PAN3: variants seen among roughly 807,000 people sequenced by gnomAD.
PAN3 encodes PAN2-PAN3 deadenylation complex subunit PAN3.
Under a neutral mutation model 96.2 loss-of-function variants are expected in PAN3, and 19 were observed. The observed-to-expected ratio is 0.20, with a 90% CI of 0.14 to 0.29. The LOEUF (loss-of-function observed/expected upper bound fraction) is 0.29. PAN3 is among the 10% of genes least tolerant of loss of function. PAN3 has a pLI of 1.00. For synonymous variants in PAN3, 433 were observed against 406.6 expected (o/e 1.06, Z -0.78); for missense variants, 882 against 1,108.1 (o/e 0.80, Z 2.90).
At chr13:28,288,403 G>A (rs1032127443) in intron 18 of PAN3, among the ~76,000 whole-genome samples, 11 of 151,920 alleles carry the variant, frequency 7.2e-5, no homozygotes, top group African/African-American at 2.7e-4. Context: ...GGGTTCAAGT[G>A]ATTCTCCTGC....
At chr13:28,287,541 T>C (rs1191240038) in intron 17 of PAN3, among the ~76,000 whole-genome samples, 1 of 152,220 alleles carries the variant, frequency 6.6e-6, no homozygotes. Context: ...TCACAGCTTG[T>C]TTTCACATGG....
chr13:28,263,410 G>T (rs1157299344), intron 9 of PAN3, among the ~76,000 whole-genome samples: 1 of 152,234 alleles, frequency 6.6e-6, no homozygotes, highest in Non-Finnish European at 1.5e-5. Context: ...GCAGCTCACT[G>T]CAACCTCCGC....
intron 1 of PAN3, among the ~76,000 whole-genome samples, chr13:28,161,924 A>G (rs188876450): frequency 8.0e-4 from 122 of 152,332 alleles, no homozygotes; most frequent in African/African-American, 2.5e-3. Context: ...CAGATGTGTA[A>G]AATATTCCAG....
At chr13:28,205,109 G>A (rs1041240132) in intron 5 of PAN3, among the ~76,000 whole-genome samples, 8 of 151,438 alleles carry the variant, frequency 5.3e-5, no homozygotes, top group East Asian at 1.9e-4. Context: ...TCTCGGGGGC[G>A]GTGGGTGGTT....
chr13:28,288,427 G>A (rs1395153448), intron 18 of PAN3, among the ~76,000 whole-genome samples: 1 of 152,082 alleles, frequency 6.6e-6, no homozygotes, highest in Non-Finnish European at 1.5e-5. Context: ...AGCCTCCCGA[G>A]TAGCTAGGAT....
rs1874688079 is a variant in PAN3 at position 28,174,382 on chromosome 13, C to T, written c.541C>T (p.Pro181Ser). ...GFGSPVETKYPLMQRMTNSSS... is the reference protein window; with the variant it reads ...GFGSPVETKYSLMQRMTNSSS... The stretch of plus-strand genomic sequence containing the variant: ...TGGAAGCCCTGTAGAAACAAAATAT[C>T]CCCTGATGCAGGTATCCTTAGTATA... The change falls in exon 2 of 19, where the codon CCC becomes TCC. Residue 181 changes from proline to serine, a missense_variant. By Grantham distance (74) the Pro-to-Ser change is moderately conservative (BLOSUM62 -1). Transcript: ENST00000380958. 6.2e-7 allele frequency: 1 copy of T among 1,612,880 alleles called. No individual in the cohort carries two copies. Among genetic ancestry groups the T allele is most frequent in the African/African-American group, 1.3e-5 (1 of 74,866 alleles).
At chr13:28,162,293 G>A (rs996234377) in intron 1 of PAN3, among the ~76,000 whole-genome samples, 3 of 152,204 alleles carry the variant, frequency 2.0e-5, no homozygotes, top group Admixed American at 1.3e-4. Context: ...GATGGTGTGA[G>A]TATCTGCTGA....
chr13:28,234,129 A>G (rs910443712), intron 6 of PAN3, among the ~76,000 whole-genome samples: 1 of 152,220 alleles, frequency 6.6e-6, no homozygotes, highest in Non-Finnish European at 1.5e-5. Context: ...AAGAAGCACT[A>G]GTGTGGTCTG....
chr13:28,292,045 A>G (rs937661778), intron 18 of PAN3, among the ~76,000 whole-genome samples: 4 of 152,178 alleles, frequency 2.6e-5, no homozygotes, highest in Non-Finnish European at 5.9e-5. Flanking sequence ...TTCCCACAGA[A>G]GAAAAAAATT....
intron 15 of PAN3, among the ~76,000 whole-genome samples, chr13:28,278,063 C>T (rs1887202301): frequency 6.6e-6 from 1 of 152,234 alleles, no homozygotes; most frequent in South Asian, 2.1e-4. Flanking sequence ...GCAACCACGA[C>T]CTTTATTACA....
chr13:28,243,811 C>T (rs983012895), intron 6 of PAN3, among the ~76,000 whole-genome samples: 4 of 152,150 alleles, frequency 2.6e-5, no homozygotes, highest in Admixed American at 6.5e-5. Context: ...GCCTCAGCCT[C>T]CTGAGTAGCT....
intron 6 of PAN3, among the ~76,000 whole-genome samples, chr13:28,237,451 A>G (rs1190617365): frequency 1.3e-5 from 2 of 152,226 alleles, no homozygotes; most frequent in African/African-American, 4.8e-5. Flanking sequence ...CCTGTGAACC[A>G]GAAGCACCAA....
At chr13:28,172,218 G>A (rs1279761796) in intron 1 of PAN3, among the ~76,000 whole-genome samples, 6 of 152,192 alleles carry the variant, frequency 3.9e-5, no homozygotes, top group Non-Finnish European at 2.9e-5. Flanking sequence ...CACTTTGGGA[G>A]GCCGAGGCGG....
At chr13:28,221,176 C>A (rs1881365428) in intron 6 of PAN3, among the ~76,000 whole-genome samples, 1 of 151,968 alleles carries the variant, frequency 6.6e-6, no homozygotes, top group Non-Finnish European at 1.5e-5. Context: ...CATCACTTAT[C>A]CCCACTGCTG....
chr13:28,245,775 A>G (rs1018549393), intron 6 of PAN3, among the ~76,000 whole-genome samples: 8 of 152,316 alleles, frequency 5.3e-5, no homozygotes, highest in South Asian at 2.1e-4. Context: ...ATCATATAAT[A>G]TGTGGCTTTT....
intron 4 of PAN3, among the ~76,000 whole-genome samples, chr13:28,194,965 T>C (rs1367483354): frequency 1.3e-5 from 2 of 151,390 alleles, no homozygotes; most frequent in African/African-American, 4.8e-5. Flanking sequence ...TCACTAAGGG[T>C]ACATACTTAT....
At chr13:28,266,926 ATTATTC>A (rs1371906991) in intron 10 of PAN3, 50 bp downstream of exon 10, 19 of 1,439,428 alleles carry the variant, frequency 1.3e-5, no homozygotes, top group Non-Finnish European at 1.7e-5. Flanking sequence ...TGAGGCTAAG[ATTATTC>A]AAACCTTCTT....
chr13:28,250,376 T>A (rs1238972163), intron 6 of PAN3, among the ~76,000 whole-genome samples: 2 of 151,502 alleles, frequency 1.3e-5, no homozygotes, highest in Non-Finnish European at 2.9e-5. Flanking sequence ...TTTAATTTAA[T>A]TTTTTTTTGA....
rs183418043 is a variant in PAN3 at position 28,162,152 on chromosome 13, A to G, written c.431-12120A>G. 3.1e-3 allele frequency among the ~76,000 whole-genome samples: 473 copies of G among 152,326 alleles called. 13 individuals are homozygous for G. The highest frequency in any genetic ancestry group is 5.4e-4 in the Non-Finnish European group (37 of 68,036). ...CTTGGAAAGTAGATGCTACTGTTTT[A>G]GTGTTACAGAGGAAGAAACTGAGAC... On this transcript the variant is annotated intron_variant, in intron 1 of 18. Transcript: ENST00000380958.
Sources: gnomAD v4.1 joint callset for allele counts (sites outside exome capture counted in the v4.1 genomes callset) on GRCh38, gnomAD v4.1.1 for gene constraint, MANE v1.5 for transcripts, NCBI Gene and HGNC (gene_info 2026-07-23, HGNC 2026-07-21) for gene names.